Variants in CCDC172 observed in about 807,000 individuals in gnomAD.
The protein encoded by CCDC172 is coiled-coil domain containing 172.
Under a neutral mutation model 38.0 loss-of-function variants are expected in CCDC172, and 30 were observed. The observed-to-expected ratio is 0.79, with a 90% confidence interval of 0.59 to 1.07. The LOEUF is 1.07. Ranked by LOEUF, CCDC172 falls within the 50% of genes least tolerant of loss-of-function variation. The pLI is 0.00. For synonymous variants in CCDC172, 78 were observed against 88.3 expected (o/e 0.88, Z 0.66); for missense variants, 297 against 290.1 (o/e 1.02, Z -0.17).
chr10:116,374,272 C>G (rs185289183), intron 7 of CCDC172, among the ~76,000 whole-genome samples: 1 of 151,998 alleles, frequency 6.6e-6, no homozygotes, highest in Admixed American at 6.6e-5. Context: ...AAAGTGCTTC[C>G]CGTAAGTGAA....
At chr10:116,364,991 A>T (rs1260874410) in intron 7 of CCDC172, among the ~76,000 whole-genome samples, 1 of 152,166 alleles carries the variant, frequency 6.6e-6, no homozygotes, top group Non-Finnish European at 1.5e-5. Context: ...ATGTTGGCCT[A>T]TCATAGTCAT....
chr10:116,345,675 T>C (rs758299436), intron 5 of CCDC172, among the ~76,000 whole-genome samples: 2 of 152,278 alleles, frequency 1.3e-5, no homozygotes, highest in Non-Finnish European at 2.9e-5. Flanking sequence ...AATAGAGTAC[T>C]AATGGCCAAT....
intron 5 of CCDC172, among the ~76,000 whole-genome samples, chr10:116,352,031 A>G (rs1844936965): frequency 6.6e-6 from 1 of 152,324 alleles, no homozygotes; most frequent in Admixed American, 6.5e-5. Context: ...TGGGCTGAGT[A>G]AAGAAAAACT....
chr10:116,356,472 G>C (rs1000178967), intron 5 of CCDC172, among the ~76,000 whole-genome samples: 1 of 151,978 alleles, frequency 6.6e-6, no homozygotes, highest in African/African-American at 2.4e-5. Context: ...CGCAGAAGAA[G>C]AGACCAGTGA....
intron 3 of CCDC172, among the ~76,000 whole-genome samples, chr10:116,329,313 A>G (rs906041527): frequency 1.3e-5 from 2 of 150,936 alleles, no homozygotes; most frequent in African/African-American, 4.9e-5. Flanking sequence ...AGTCAGGTTT[A>G]TGGGGGTGTG....
intron 7 of CCDC172, among the ~76,000 whole-genome samples, chr10:116,366,440 T>C (rs1014655010): frequency 5.3e-5 from 8 of 152,236 alleles, no homozygotes; most frequent in African/African-American, 1.9e-4. Context: ...AACCTATACA[T>C]ACATGCACAA....
chr10:116,327,993 C>T (rs1362797105), intron 3 of CCDC172, among the ~76,000 whole-genome samples: 1 of 152,044 alleles, frequency 6.6e-6, no homozygotes, highest in Non-Finnish European at 1.5e-5. Flanking sequence ...CAAGGAGAAA[C>T]TATTAATAGA....
At chr10:116,345,901 A>T (rs573834022) in intron 5 of CCDC172, among the ~76,000 whole-genome samples, 1 of 152,310 alleles carries the variant, frequency 6.6e-6, no homozygotes, top group South Asian at 2.1e-4. Flanking sequence ...CAGTTTCTTA[A>T]CAAGCTAAAT....
At chr10:116,355,474 T>C (rs1395423367) in intron 5 of CCDC172, among the ~76,000 whole-genome samples, 1 of 152,172 alleles carries the variant, frequency 6.6e-6, no homozygotes, top group Non-Finnish European at 1.5e-5. Flanking sequence ...AAGGACTTTT[T>C]TCTCAGAACA....
rs182863234 is a variant in CCDC172 at position 116,365,604 on chromosome 10, T to C, written c.653+7666T>C. On this transcript the variant is annotated intron_variant, in intron 7 of 8. Coordinates refer to ENST00000333254, the MANE Select transcript of CCDC172 (RefSeq NM_198515.3). ...GGGTTTTTATACATGTGTAAATATA[T>C]GATGCTTAAAATTAGTAATTTATCT... 3.6e-3 allele frequency among the ~76,000 whole-genome samples: 552 copies of C among 152,340 alleles called. 2 individuals carry two copies. Among genetic ancestry groups the C allele is most frequent in the African/African-American group, 0.013 (524 of 41,582 alleles).
chr10:116,339,852 C>G (rs1206440347), intron 3 of CCDC172, among the ~76,000 whole-genome samples: 1 of 151,936 alleles, frequency 6.6e-6, no homozygotes, highest in Non-Finnish European at 1.5e-5. Context: ...ATTTCACAAC[C>G]TGTCTCTCAC....
Position 116,343,301 on chromosome 10 carries a change from T to C in CCDC172, c.448+1100T>C, listed in dbSNP as rs78239846. 3.7e-3 allele frequency among the ~76,000 whole-genome samples: 558 copies of C among 152,258 alleles called. 2 individuals are homozygous for C. Among genetic ancestry groups the C allele is most frequent in the African/African-American group, 0.013 (536 of 41,564 alleles). ...ACAGTTGCCCTTCATATTCCCAATA[T>C]ACTATGGTGAGATAGGCATAGGATA... On this transcript the variant is annotated intron_variant, in intron 5 of 8. Transcript: ENST00000333254.
intron 6 of CCDC172, 44 bp downstream of exon 6, chr10:116,357,525 T>A: frequency 1.4e-6 from 2 of 1,387,408 alleles, no homozygotes; most frequent in Non-Finnish European, 9.7e-7. Context: ...TAAATATAGT[T>A]ATATATGCAT....
intron 3 of CCDC172, among the ~76,000 whole-genome samples, chr10:116,331,020 G>A (rs1013655381): frequency 1.3e-5 from 2 of 152,114 alleles, no homozygotes; most frequent in Admixed American, 6.6e-5. Flanking sequence ...AATTACAGGC[G>A]TGAACCACCA....
intron 4 of CCDC172, 77 bp downstream of exon 4, chr10:116,340,927 T>C (rs900502885): frequency 7.1e-6 from 6 of 844,938 alleles, no homozygotes; most frequent in South Asian, 2.9e-5. Flanking sequence ...AGTATACTTT[T>C]AGAAAATTAT....
intron 3 of CCDC172, among the ~76,000 whole-genome samples, chr10:116,327,830 T>G (rs1258212702): frequency 6.6e-6 from 1 of 152,120 alleles, no homozygotes; most frequent in Admixed American, 6.6e-5. Flanking sequence ...ATAATGCATA[T>G]GACTAATGGG....
rs773564490 is a variant in CCDC172, at chr10:116,325,098, T to G, written c.79+8T>G. The G allele has an allele frequency of 1.2e-6, 2 of 1,613,276 alleles. No homozygotes were observed. Among genetic ancestry groups the G allele is most frequent in the African/African-American group, 1.3e-5 (1 of 74,820 alleles). On this transcript the variant is annotated splice_region_variant and intron_variant, in intron 2 of 8. Transcript: ENST00000333254. The stretch of plus-strand genomic sequence containing the variant: ...GCCGTTTGATGCGAGAAGGTCGGGG[T>G]ATTTCTGTCCTTTGCATGGGGCCTT...
chr10:116,326,100 G>A (rs746226973), intron 3 of CCDC172, among the ~76,000 whole-genome samples: 1 of 152,152 alleles, frequency 6.6e-6, no homozygotes, highest in Admixed American at 6.6e-5. Flanking sequence ...TTCCTGATCA[G>A]GGAGCAGTAA....
At chr10:116,333,804 G>A (rs1264811008) in intron 3 of CCDC172, among the ~76,000 whole-genome samples, 1 of 152,102 alleles carries the variant, frequency 6.6e-6, no homozygotes, top group African/African-American at 2.4e-5. Flanking sequence ...TTGCAGTTTA[G>A]GGGTTATTTT....
Sources: gnomAD v4.1 joint callset for allele counts (sites outside exome capture counted in the v4.1 genomes callset) on GRCh38, gnomAD v4.1.1 for gene constraint, MANE v1.5 for transcripts, NCBI Gene and HGNC (gene_info 2026-07-23, HGNC 2026-07-21) for gene names.